The following PKNOX2 variants were observed in gnomAD, a reference collection of about 807,000 sequenced individuals.
PKNOX2 encodes homeobox protein PKNOX2.
In PKNOX2, 14 loss-of-function variants were observed where a neutral mutation model predicts 53.1. That is an observed-to-expected ratio of 0.26 (90% CI 0.17 to 0.41). The LOEUF is 0.41. PKNOX2 is among the 10% of genes least tolerant of loss of function. The probability of loss-of-function intolerance (pLI) is 1.00; values close to 1 mark genes in which losing one functional copy is unlikely to be tolerated. For missense variants in PKNOX2, 496 were observed against 602.8 expected, an observed-to-expected ratio of 0.82 and a Z score of 1.85; for synonymous variants, 257 against 242.8, an observed-to-expected ratio of 1.06 and a Z score of -0.54.
At chr11:125,410,960 C>A in intron 9 of PKNOX2, 84 bp downstream of exon 9, 1 of 1,109,024 alleles carries the variant, frequency 9.0e-7, no homozygotes, top group Non-Finnish European at 1.4e-6. Context: ...GCACTTTACA[C>A]GGGTGACTCA....
chr11:125,232,133 A>G (rs910777780), intron 1 of PKNOX2, among the ~76,000 whole-genome samples: 11 of 152,228 alleles, frequency 7.2e-5, no homozygotes, highest in African/African-American at 2.4e-4. Flanking sequence ...CCTATCCTCT[A>G]GAGCAACACA....
chr11:125,240,471 G>A lies in PKNOX2; in HGVS notation c.-130+5356G>A, dbSNP rs1011042950. Among the ~76,000 whole-genome samples the A allele has an allele frequency of 2.6e-5, 4 of 152,104 alleles. No individual in the cohort carries two copies. The highest frequency in any genetic ancestry group is 9.7e-5 in the African/African-American group (4 of 41,424). On this transcript the variant is annotated intron_variant, in intron 2 of 12. Transcript: ENST00000298282. This position sits in a 1 kb window ranked among gnomAD's most constrained non-coding sequence, Gnocchi z 4.3. ...AGGAGCTGGGAAGGAGGGATGGGAG[G>A]GAGGAGAGAGAAGAGGTGGAAAGGG...
intron 1 of PKNOX2, chr11:125,184,205 C>CT (rs1293639928): frequency 3.9e-5 from 6 of 152,256 alleles, no homozygotes; most frequent in Admixed American, 1.3e-4. Context: ...ATGAGCGACA[C>CT]TAACAAGAGT....
chr11:125,420,015 G>A (rs1038409058), intron 10 of PKNOX2, among the ~76,000 whole-genome samples: 13 of 151,032 alleles, frequency 8.6e-5, no homozygotes, highest in East Asian at 5.8e-4. Flanking sequence ...GCAAAACCCC[G>A]TCTCTACTAA....
chr11:125,282,908 T>A (rs1946658324), intron 2 of PKNOX2, among the ~76,000 whole-genome samples: 1 of 152,184 alleles, frequency 6.6e-6, no homozygotes, highest in Non-Finnish European at 1.5e-5. Flanking sequence ...TCCCAGCACT[T>A]TGGGGTGCTG....
At chr11:125,349,659 TC>T (rs144430044) in intron 3 of PKNOX2, among the ~76,000 whole-genome samples, 3,834 of 152,206 alleles carry the variant, frequency 0.025, 167 homozygotes, top group African/African-American at 0.082. Flanking sequence ...CATTCATCTG[TC>T]CCACCACACT....
intron 2 of PKNOX2, among the ~76,000 whole-genome samples, chr11:125,244,097 C>G (rs1341999385): frequency 6.6e-6 from 1 of 152,188 alleles, no homozygotes; most frequent in Admixed American, 6.5e-5. Flanking sequence ...TCTGAAGCAC[C>G]CTGAGCTACA....
chr11:125,363,353 G>A (rs1952022589), intron 4 of PKNOX2, among the ~76,000 whole-genome samples: 2 of 152,214 alleles, frequency 1.3e-5, no homozygotes. Context: ...ACAACCTGCA[G>A]ATTGAGTATT....
At chr11:125,267,385 G>A (rs1037079019) in intron 2 of PKNOX2, among the ~76,000 whole-genome samples, 6 of 152,226 alleles carry the variant, frequency 3.9e-5, no homozygotes, top group African/African-American at 1.4e-4. Context: ...TATCATGGCA[G>A]CCTCTCCTCC....
intron 4 of PKNOX2, among the ~76,000 whole-genome samples, chr11:125,353,759 TCA>T (rs749426863): frequency 9.2e-5 from 14 of 152,254 alleles, no homozygotes; most frequent in Non-Finnish European, 1.5e-4. Flanking sequence ...ATGAGAAGCA[TCA>T]GTGTCCATGG....
At chr11:125,405,179 C>T (rs913888195) in intron 7 of PKNOX2, among the ~76,000 whole-genome samples, 1 of 152,240 alleles carries the variant, frequency 6.6e-6, no homozygotes, top group African/African-American at 2.4e-5. Context: ...TTTTACAGTC[C>T]TCAGCTGGAA....
chr11:125,357,023 T>A (rs1951655158), intron 4 of PKNOX2, among the ~76,000 whole-genome samples: 1 of 152,264 alleles, frequency 6.6e-6, no homozygotes, highest in East Asian at 1.9e-4. Flanking sequence ...TAGAGTTAAT[T>A]CAGCAGCTTT....
At chr11:125,221,820 A>G (rs1405939434) in intron 1 of PKNOX2, among the ~76,000 whole-genome samples, 2 of 151,882 alleles carry the variant, frequency 1.3e-5, no homozygotes, top group Non-Finnish European at 2.9e-5. Context: ...CTCCTCCCCG[A>G]CCACCCCGTG....
intron 2 of PKNOX2, among the ~76,000 whole-genome samples, chr11:125,281,646 G>C (rs1225465965): frequency 6.6e-6 from 1 of 152,200 alleles, no homozygotes; most frequent in East Asian, 1.9e-4. Flanking sequence ...ATGGATGTTT[G>C]CTGAATACTG....
At chr11:125,399,983 T>G (rs1005469479) in intron 7 of PKNOX2, among the ~76,000 whole-genome samples, 2 of 152,186 alleles carry the variant, frequency 1.3e-5, no homozygotes, top group Admixed American at 6.5e-5. Flanking sequence ...CCTGCAAAAA[T>G]CAGTCCCCCT....
chr11:125,183,860 C>A (rs1348556520), intron 1 of PKNOX2, among the ~76,000 whole-genome samples: 1 of 152,118 alleles, frequency 6.6e-6, no homozygotes, highest in African/African-American at 2.4e-5. Context: ...CCAGTGTGGT[C>A]AGGGAACGGT....
intron 1 of PKNOX2, among the ~76,000 whole-genome samples, chr11:125,219,077 G>GT (rs1453094553): frequency 6.6e-6 from 1 of 152,186 alleles, no homozygotes; most frequent in African/African-American, 2.4e-5. Context: ...GCTGCAGCCA[G>GT]TGGGAGGGTG....
intron 2 of PKNOX2, among the ~76,000 whole-genome samples, chr11:125,283,766 G>C (rs1946725467): frequency 1.3e-5 from 2 of 152,188 alleles, no homozygotes; most frequent in South Asian, 4.1e-4. Flanking sequence ...ATTCCTCCTG[G>C]TGGTGGGGAG....
intron 1 of PKNOX2, among the ~76,000 whole-genome samples, chr11:125,164,983 G>A (rs995629516): frequency 6.6e-6 from 1 of 151,858 alleles, no homozygotes; most frequent in Non-Finnish European, 1.5e-5. Context: ...CAGCAGGGAG[G>A]AGGGAGGCAG....
Sources: allele counts gnomAD v4.1 joint callset (sites outside exome capture counted in the v4.1 genomes callset), GRCh38; gene constraint gnomAD v4.1.1; non-coding constraint Gnocchi (gnomAD v3.1); transcripts MANE v1.5; gene names NCBI Gene and HGNC (gene_info 2026-07-23, HGNC 2026-07-21).